The following ZNF66 variants were observed in gnomAD, a reference collection of about 807,000 sequenced individuals.
The protein encoded by ZNF66 is zinc finger protein 66, also known as putative zinc finger protein 66.
ZNF66 carries 32 observed loss-of-function variants against 35.2 expected under a neutral mutation model. The observed-to-expected ratio is 0.91, with a 90% CI of 0.69 to 1.22. The LOEUF is 1.22. Among genes scored for constraint, ZNF66 ranks in the 50% most tolerant of loss-of-function variants. ZNF66 has a pLI of 0.00. For synonymous variants in ZNF66, 231 were observed against 181.3 expected (o/e 1.27, Z -2.20); for missense variants, 666 against 543.1 (o/e 1.23, Z -2.25).
chr19:20,808,858 T>A lies in ZNF66; in HGVS notation c.*1536T>A, dbSNP rs532823405. Among the ~76,000 whole-genome samples, 1 of 152,058 alleles carries A rather than the reference T, an allele frequency of 6.6e-6. No individual in the cohort carries two copies. Among genetic ancestry groups the A allele is most frequent in the African/African-American group, 2.4e-5 (1 of 41,388 alleles). ...AAAGCTGGATGGAGAATGACTTTGA[T>A]GAGTTGAGAGAAGAAGGCTTCAGAC... On this transcript the variant is annotated 3_prime_UTR_variant, in exon 4 of 4. Coordinates refer to ENST00000344519, the MANE Select transcript of ZNF66 (RefSeq NM_001355197.2).
intron 3 of ZNF66, among the ~76,000 whole-genome samples, chr19:20,795,480 G>T (rs1971383435): frequency 6.6e-6 from 1 of 151,030 alleles, no homozygotes; most frequent in Non-Finnish European, 1.5e-5. Flanking sequence ...TGATTCTCCT[G>T]CCTCAGCCTC....
intron 1 of ZNF66, chr19:20,785,249 A>G (rs2144895020): frequency 6.6e-6 from 1 of 152,320 alleles, no homozygotes; most frequent in Non-Finnish European, 1.5e-5. Flanking sequence ...CAGATAGTAG[A>G]GGTCAAGAGA....
At chr19:20,786,575 A>G (rs1202777293) in intron 1 of ZNF66, among the ~76,000 whole-genome samples, 1 of 152,190 alleles carries the variant, frequency 6.6e-6, no homozygotes, top group African/African-American at 2.4e-5. Flanking sequence ...AGGTCATGAG[A>G]TTTGAGAAAT....
chr19:20,804,124 C>T (rs1035133149), intron 3 of ZNF66, among the ~76,000 whole-genome samples: 5 of 151,556 alleles, frequency 3.3e-5, no homozygotes, highest in Admixed American at 2.0e-4. Context: ...TTTATATCCA[C>T]GATTTTTGTT....
Position 20,805,930 on chromosome 19 carries a change from T to C in ZNF66, c.330T>C (p.Asn110=). The change falls in exon 4 of 4, where the codon AAT becomes AAC. Residue 110 remains asparagine, a synonymous_variant. Coordinates refer to ENST00000344519, the MANE Select transcript of ZNF66 (RefSeq NM_001355197.2). The part of the protein sequence containing the change: ...LRRHKKCGHD[N]LQLKKGCESV... ...GGCATAAAAAATGTGGACATGATAA[T>C]TTGCAGTTAAAAAAAGGCTGTGAAA... The C allele has an allele frequency of 1.5e-6, 1 of 682,792 alleles. No individual in the cohort carries two copies. Among genetic ancestry groups the C allele is most frequent in the East Asian group, 2.5e-5 (1 of 40,016 alleles). The allele number at this position is 682,792 out of a possible 1,614,324, so 42.3% of individuals were successfully genotyped here.
At chr19:20,804,370 A>C (rs893734163) in intron 3 of ZNF66, among the ~76,000 whole-genome samples, 1 of 151,934 alleles carries the variant, frequency 6.6e-6, no homozygotes, top group Non-Finnish European at 1.5e-5. Flanking sequence ...CAGCCTCCTC[A>C]GTAACTGGGA....
rs1354109051 is a variant in ZNF66 at position 20,807,152 on chromosome 19, T to A, written c.1552T>A (p.Phe518Ile). ...CAAATGTGAAGAATGTGGCAAAGAC[T>A]TTAAGTACTCCTCTACCCTTACTAG... The part of the protein sequence containing the change: ...PYKCEECGKD[F>I]KYSSTLTRHK... Residue 518 changes from phenylalanine to isoleucine, a missense_variant, in exon 4 of 4, where the codon TTT (phenylalanine) becomes ATT (isoleucine). By Grantham distance (21) the Phe-to-Ile change is conservative. Transcript: ENST00000344519. 1 of 794,522 alleles carries A rather than the reference T, an allele frequency of 1.3e-6. No individual in the cohort carries two copies. Among genetic ancestry groups the A allele is most frequent in the Non-Finnish European group, 2.2e-6 (1 of 449,434 alleles). 49.2% of individuals were successfully genotyped at this position (794,522 alleles called of 1,614,324 possible). A position where few individuals can be genotyped will look rare whatever the true frequency, so the allele number is the denominator to read the frequency against.
chr19:20,802,571 A>T (rs549831697), intron 3 of ZNF66, among the ~76,000 whole-genome samples: 11 of 152,318 alleles, frequency 7.2e-5, no homozygotes, highest in African/African-American at 2.6e-4. Context: ...TTTCAGTTTT[A>T]AAAAATGTGT....
rs144989688 is a variant in ZNF66 at position 20,776,522 on chromosome 19, G to A, written c.3+72G>A. 966 of 1,472,336 alleles carry A rather than the reference G, an allele frequency of 6.6e-4. 8 individuals are homozygous for A. The East Asian group carries it at 0.017, about 26-fold the overall frequency. The allele number at this position is 1,472,336 out of a possible 1,614,324, so 91.2% of individuals were successfully genotyped here. On this transcript the variant is annotated intron_variant, in intron 1 of 3. Coordinates refer to ENST00000344519, the MANE Select transcript of ZNF66 (RefSeq NM_001355197.2). ...CGGGACTCAGGCCTCCCCTCAGTCA[G>A]CTCCACAATCTGCACCCCGAATTCT... is the stretch of plus-strand genomic sequence containing the variant.
chr19:20,792,370 G>T (rs910750388), intron 1 of ZNF66, 142 bp from the exon 2 acceptor site: 6 of 738,880 alleles, frequency 8.1e-6, no homozygotes, highest in African/African-American at 5.6e-5. Flanking sequence ...ATATTTCTGT[G>T]TTGAAAATTA....
chr19:20,791,314 G>A (rs924305322), intron 1 of ZNF66, among the ~76,000 whole-genome samples: 2 of 151,834 alleles, frequency 1.3e-5, no homozygotes, highest in African/African-American at 2.4e-5. Flanking sequence ...GTGGAACCCC[G>A]TCCCTACTAA....
intron 3 of ZNF66, among the ~76,000 whole-genome samples, chr19:20,795,366 C>A (rs1389522777): frequency 6.8e-6 from 1 of 147,230 alleles, no homozygotes; most frequent in African/African-American, 2.5e-5. Context: ...TTCTTTTTTT[C>A]TTTTTCTTTT....
In ZNF66 at chr19:20,776,324, C is replaced by G. The variant is rs999959497; in HGVS notation, c.-124C>G. 2.4e-5 allele frequency: 34 copies of G among 1,424,594 alleles called. No individual in the cohort carries two copies. The highest frequency in any genetic ancestry group is 3.3e-5 in the Non-Finnish European group (33 of 1,012,312). 88.2% of individuals were successfully genotyped at this position (1,424,594 alleles called of 1,614,324 possible). On this transcript the variant is annotated 5_prime_UTR_variant, in exon 1 of 4. Transcript: ENST00000344519. Reference sequence around the variant, plus strand: ...TCTTTGTCTCTCCCTGCAGCTGGAGCTCCAGGTCGTCTGTTCACTGCTCTC... The same window carrying G: ...TCTTTGTCTCTCCCTGCAGCTGGAGGTCCAGGTCGTCTGTTCACTGCTCTC...
chr19:20,803,768 A>G (rs1445764027), intron 3 of ZNF66, among the ~76,000 whole-genome samples: 1 of 152,172 alleles, frequency 6.6e-6, no homozygotes, highest in African/African-American at 2.4e-5. Flanking sequence ...TATGTCAGGC[A>G]TATGCAGTGG....
At chr19:20,786,457 C>G (rs1416638377) in intron 1 of ZNF66, among the ~76,000 whole-genome samples, 1 of 150,456 alleles carries the variant, frequency 6.6e-6, no homozygotes, top group East Asian at 1.9e-4. Context: ...ATGAGAATCT[C>G]CACTTTCTTC....
Position 20,807,472 on chromosome 19 carries a change from T to A in ZNF66, c.*150T>A, listed in dbSNP as rs760042659. 13 of 522,676 alleles carry A rather than the reference T, an allele frequency of 2.5e-5. No individual in the cohort carries two copies. Among genetic ancestry groups the A allele is most frequent in the Non-Finnish European group, 3.7e-5 (11 of 296,472 alleles). The allele number at this position is 522,676 out of a possible 1,614,324, so 32.4% of individuals were successfully genotyped here. A position where few individuals can be genotyped will look rare whatever the true frequency, so the allele number is the denominator to read the frequency against. ...ACAAACACTACAAATATAAAGAATG[T>A]GACAAAGCTTTTAGGAAGTTCTCAA... On this transcript the variant is annotated 3_prime_UTR_variant, in exon 4 of 4. Coordinates refer to ENST00000344519, the MANE Select transcript of ZNF66 (RefSeq NM_001355197.2).
At position 20,806,770 on chromosome 19, in the gene ZNF66, T is replaced by A. The variant is rs571614765; in HGVS notation, c.1170T>A (p.Ile390=). The change falls in exon 4 of 4, where the codon ATT becomes ATA. Residue 390 remains isoleucine, a synonymous_variant. Coordinates refer to ENST00000344519, the MANE Select transcript of ZNF66 (RefSeq NM_001355197.2). ...GTTCCCTTACTGCACATAAGATAAT[T>A]CATACTGGAAAGAAACCTTACAAAT... ...YSCSLTAHKI[I]HTGKKPYKCE... The A allele has an allele frequency of 6.0e-6, 8 of 1,326,716 alleles. 1 individual carries two copies. The East Asian group carries it at 1.8e-4, about 31-fold the overall frequency. 82.2% of individuals were successfully genotyped at this position (1,326,716 alleles called of 1,614,324 possible).
intron 1 of ZNF66, among the ~76,000 whole-genome samples, chr19:20,787,995 C>T (rs1216213364): frequency 1.3e-5 from 2 of 152,278 alleles, no homozygotes; most frequent in African/African-American, 4.8e-5. Flanking sequence ...ATGTTCAGAG[C>T]AGAATTGTGT....
At chr19:20,802,524 C>G (rs1289039465) in intron 3 of ZNF66, among the ~76,000 whole-genome samples, 1 of 152,042 alleles carries the variant, frequency 6.6e-6, no homozygotes, top group Non-Finnish European at 1.5e-5. Flanking sequence ...GTTTTATACT[C>G]TAATTCCATT....
Sources: allele counts gnomAD v4.1 joint callset (sites outside exome capture counted in the v4.1 genomes callset), GRCh38; gene constraint gnomAD v4.1.1; transcripts MANE v1.5; gene names NCBI Gene and HGNC (gene_info 2026-07-23, HGNC 2026-07-21).